The following PARP4 variants were observed in gnomAD, a reference collection of about 807,000 sequenced individuals.
PARP4 encodes the protein poly(ADP-ribose) polymerase family member 4, also known as protein mono-ADP-ribosyltransferase PARP4.
In PARP4, 120 loss-of-function variants were observed where a neutral mutation model predicts 187.7. That is an observed-to-expected ratio of 0.64 (90% CI 0.55 to 0.74). The LOEUF (loss-of-function observed/expected upper bound fraction) is 0.74. Ranked by LOEUF, PARP4 falls within the 30% of genes least tolerant of loss-of-function variation. The pLI is 0.00. For missense variants in PARP4, 1,836 were observed against 2,070.5 expected, an observed-to-expected ratio of 0.89 and a Z score of 2.20; for synonymous variants, 654 against 740.9, an observed-to-expected ratio of 0.88 and a Z score of 1.90.
intron 1 of PARP4, among the ~76,000 whole-genome samples, chr13:24,505,745 G>T (rs1869606360): frequency 6.6e-6 from 1 of 152,182 alleles, no homozygotes; most frequent in African/African-American, 2.4e-5. Context: ...GCCCAGACTG[G>T]TATTTGTCAA....
intron 12 of PARP4, among the ~76,000 whole-genome samples, chr13:24,481,538 C>T (rs1566012289): frequency 6.6e-6 from 1 of 152,060 alleles, no homozygotes; most frequent in Non-Finnish European, 1.5e-5. Flanking sequence ...ACTAAAAATA[C>T]AAAAATTAGC....
At position 24,488,542 on chromosome 13, in the gene PARP4, C is replaced by A. The variant is rs1043192342; in HGVS notation, c.1214+2126G>T. ...CTAATTTTTGTATTTTTAGTTGAGA[C>A]AGGGTTTCACCATGTTGCCCAGGCT... On this transcript the variant is annotated intron_variant, in intron 10 of 33. Transcript: ENST00000381989. Among the ~76,000 whole-genome samples, 53 of 150,710 alleles carry A rather than the reference C, an allele frequency of 3.5e-4. No individual in the cohort carries two copies. The Middle Eastern group carries it at 0.01, about 29-fold the overall frequency.
Position 24,490,682 on chromosome 13 carries a change from C to T in PARP4, c.1200G>A (p.Leu400=). Reference sequence around the variant, plus strand: ...TTTATGCTTACCTGTGATGATTCTGCAAAACCTCTTTTCTAACCCTGAGAA... The same window carrying T: ...TTTATGCTTACCTGTGATGATTCTGTAAAACCTCTTTTCTAACCCTGAGAA... ...EEFLRVRKEV[L]QNHHSKSPVD... The change falls in exon 10 of 34, where the codon TTG becomes TTA. Residue 400 remains leucine (L), a synonymous_variant. Coordinates refer to ENST00000381989, the MANE Select transcript of PARP4 (RefSeq NM_006437.4). 6.2e-7 allele frequency: 1 copy of T among 1,613,472 alleles called. No individual in the cohort carries two copies. The highest frequency in any genetic ancestry group is 8.5e-7 in the Non-Finnish European group (1 of 1,179,598).
intron 27 of PARP4, among the ~76,000 whole-genome samples, chr13:24,445,428 A>G (rs6490936): frequency 0.88 from 133,237 of 151,634 alleles, 59,529 homozygotes; most frequent in East Asian, 0.98. Flanking sequence ...CAACCTCCAG[A>G]GAGGGGAGAG....
chr13:24,465,020 C>CA (rs536147057), intron 17 of PARP4, among the ~76,000 whole-genome samples: 89 of 151,792 alleles, frequency 5.9e-4, no homozygotes, highest in Middle Eastern at 3.4e-3. Flanking sequence ...ATTTATGTGG[C>CA]AAAAAAATAT....
intron 33 of PARP4, among the ~76,000 whole-genome samples, chr13:24,422,131 C>A (rs9507339): frequency 0.47 from 70,827 of 150,706 alleles, 18,268 homozygotes; most frequent in South Asian, 0.64. Context: ...ACTCTGCAAT[C>A]ACATGATATT....
At position 24,501,936 on chromosome 13, in the gene PARP4, T is replaced by C. The variant is rs575338901; in HGVS notation, c.133-102A>G. 4 of 729,792 alleles carry C rather than the reference T, an allele frequency of 5.5e-6. No individual in the cohort carries two copies. In the East Asian group the frequency reaches 8.0e-5, roughly 15 times the overall value. 45.2% of individuals were successfully genotyped at this position (729,792 alleles called of 1,614,324 possible). A position where few individuals can be genotyped will look rare whatever the true frequency, so the allele number is the denominator to read the frequency against. ...CACCCTTAGAAAGTATTAAGGTAGT[T>C]TGTGATAATCTTTCTCAAATTTCGA... On this transcript the variant is annotated intron_variant, in intron 2 of 33. Coordinates refer to ENST00000381989, the MANE Select transcript of PARP4 (RefSeq NM_006437.4).
At position 24,435,154 on chromosome 13, in the gene PARP4, CG is replaced by C. The variant is rs763155876; in HGVS notation, c.3986del (p.Pro1329ArgfsTer19). The C allele has an allele frequency of 1.9e-6, 3 of 1,613,844 alleles. No homozygotes were observed. Among genetic ancestry groups the C allele is most frequent in the Non-Finnish European group, 2.5e-6 (3 of 1,179,984 alleles). Reference sequence around the variant, plus strand: ...AAGCAGGACTGTGAGCGCGGGCAGTCGGGGGAAGATAGGAACCAACGGCCGG... The same window carrying C: ...AAGCAGGACTGTGAGCGCGGGCAGTCGGGGAAGATAGGAACCAACGGCCGG... Reference protein sequence around the residue: ...LAPAVGSYLPPTARAHSPASL... With the variant: ...LAPAVGSYLPXTARAHSPASL... On this transcript the variant is annotated frameshift_variant, in exon 31 of 34. Transcript: ENST00000381989. LOFTEE classifies it high-confidence loss of function.
chr13:24,431,250 C>A, intron 32 of PARP4, 127 bp downstream of exon 32: 1 of 580,754 alleles, frequency 1.7e-6, no homozygotes, highest in Non-Finnish European at 3.0e-6. Context: ...AATATAATTC[C>A]ATTCGAATAT....
intron 11 of PARP4, 104 bp from the exon 12 acceptor site, chr13:24,484,852 A>C: frequency 1.4e-6 from 1 of 714,176 alleles, no homozygotes; most frequent in Non-Finnish European, 2.5e-6. Flanking sequence ...CATTCAGAGA[A>C]CTCTGCAATC....
chr13:24,444,338 T>A (rs1412728733), intron 27 of PARP4, among the ~76,000 whole-genome samples: 1 of 152,304 alleles, frequency 6.6e-6, no homozygotes, highest in African/African-American at 2.4e-5. Context: ...ATCTAATTTT[T>A]AAAAATATAC....
intron 11 of PARP4, 146 bp downstream of exon 11, chr13:24,486,022 T>G: frequency 1.6e-6 from 1 of 643,808 alleles, no homozygotes; most frequent in Non-Finnish European, 2.7e-6. Context: ...AATTATAAAG[T>G]GTGTAATTTT....
intron 30 of PARP4, among the ~76,000 whole-genome samples, chr13:24,441,006 G>A (rs1870898788): frequency 1.3e-5 from 2 of 152,012 alleles, no homozygotes; most frequent in African/African-American, 4.8e-5. Flanking sequence ...TGAGTAGCTG[G>A]GACTACAGGC....
At chr13:24,479,996 G>A (rs548675244) in intron 12 of PARP4, among the ~76,000 whole-genome samples, 134 of 152,040 alleles carry the variant, frequency 8.8e-4, no homozygotes, top group Middle Eastern at 3.4e-3. Context: ...TCACTGCGAA[G>A]GTCTGCAGCT....
chr13:24,445,365 T>C (rs1180058327), intron 27 of PARP4, among the ~76,000 whole-genome samples: 9 of 152,042 alleles, frequency 5.9e-5, no homozygotes, highest in Admixed American at 1.3e-4. Context: ...TGAGGGCTGG[T>C]TGCTGGGGAA....
chr13:24,512,256 G>A (rs1870054147), intron 1 of PARP4, among the ~76,000 whole-genome samples: 1 of 152,164 alleles, frequency 6.6e-6, no homozygotes, highest in Non-Finnish European at 1.5e-5. Flanking sequence ...TTTCTATCAC[G>A]GTGTTCCCAA....
At chr13:24,507,904 T>A (rs925415647) in intron 1 of PARP4, among the ~76,000 whole-genome samples, 2 of 152,176 alleles carry the variant, frequency 1.3e-5, no homozygotes, top group African/African-American at 4.8e-5. Context: ...CCTCACCCCA[T>A]GCTGTATCCC....
At chr13:24,511,502 C>T (rs567181468) in intron 1 of PARP4, among the ~76,000 whole-genome samples, 1 of 152,198 alleles carries the variant, frequency 6.6e-6, no homozygotes, top group Non-Finnish European at 1.5e-5. Flanking sequence ...CAGCAGGGAA[C>T]AGCCCCGATT....
At chr13:24,446,022 T>C (rs939042859) in intron 27 of PARP4, among the ~76,000 whole-genome samples, 1 of 152,260 alleles carries the variant, frequency 6.6e-6, no homozygotes, top group African/African-American at 2.4e-5. Context: ...GAATTTTTTC[T>C]TTCATAATTC....
Sources: gnomAD v4.1 joint callset for allele counts (sites outside exome capture counted in the v4.1 genomes callset) on GRCh38, gnomAD v4.1.1 for gene constraint, MANE v1.5 for transcripts, NCBI Gene and HGNC (gene_info 2026-07-23, HGNC 2026-07-21) for gene names.